Variants in CTNNA3 observed in about 807,000 individuals in gnomAD.
The protein encoded by CTNNA3 is catenin alpha-3.
A neutral mutation model predicts 95.7 loss-of-function variants in CTNNA3; 76 were observed. The observed-to-expected ratio is 0.79, with a 90% confidence interval of 0.66 to 0.96. CTNNA3 has a LOEUF of 0.96. CTNNA3 is among the 40% of genes least tolerant of loss of function. CTNNA3 has a pLI of 0.00. For synonymous variants in CTNNA3, 431 were observed against 374.4 expected, an observed-to-expected ratio of 1.15 and a Z score of -1.74; for missense variants, 1,191 against 1,089.8, an observed-to-expected ratio of 1.09 and a Z score of -1.31.
chr10:66,782,331 T>C (rs1306890824), intron 7 of CTNNA3, among the ~76,000 whole-genome samples: 1 of 152,160 alleles, frequency 6.6e-6, no homozygotes, highest in African/African-American at 2.4e-5. Context: ...TTTCTTGAAC[T>C]AAACCAACTG....
intron 1 of CTNNA3, among the ~76,000 whole-genome samples, chr10:67,743,991 T>G (rs956617764): frequency 2.0e-5 from 3 of 150,978 alleles, no homozygotes; most frequent in Non-Finnish European, 3.0e-5. Flanking sequence ...TACTGCTCAA[T>G]GAAATAAAAG....
intron 14 of CTNNA3, among the ~76,000 whole-genome samples, chr10:66,085,861 T>C (rs1210612371): frequency 2.5e-5 from 1 of 40,164 alleles, no homozygotes; most frequent in Non-Finnish European, 5.9e-5. Flanking sequence ...TGTAGTACCA[T>C]AATTTATGTT....
intron 3 of CTNNA3, among the ~76,000 whole-genome samples, chr10:67,587,183 C>T (rs530322174): frequency 2.8e-5 from 4 of 143,348 alleles, no homozygotes; most frequent in South Asian, 4.7e-4. Context: ...CACCATGACA[C>T]CCAGCTAACT....
chr10:66,597,083 A>G lies in CTNNA3; in HGVS notation c.1374+24609T>C, dbSNP rs957593932. On this transcript the variant is annotated intron_variant, in intron 10 of 17. Transcript: ENST00000433211. The stretch of plus-strand genomic sequence containing the variant: ...AAGCTTCAATAGCAGACTCAAGCAG[A>G]AAAAAGAACCAGTGAATTCAAAGAC... Among the ~76,000 whole-genome samples the G allele has an allele frequency of 2.2e-4, 33 of 151,986 alleles. 1 individual carries two copies. Among genetic ancestry groups the G allele is most frequent in the Non-Finnish European group, 2.9e-4 (20 of 67,990 alleles).
At chr10:66,028,635 A>G (rs2079389301) in intron 15 of CTNNA3, among the ~76,000 whole-genome samples, 2 of 152,068 alleles carry the variant, frequency 1.3e-5, no homozygotes. Flanking sequence ...TAGGAGATAT[A>G]CCTAATGTAA....
At chr10:66,848,077 G>C (rs542309402) in intron 7 of CTNNA3, among the ~76,000 whole-genome samples, 128 of 152,214 alleles carry the variant, frequency 8.4e-4, no homozygotes, top group African/African-American at 3.0e-3. Flanking sequence ...GATCTGGATG[G>C]TAAAAATGAG....
rs549512262 is a variant in CTNNA3, at chr10:67,736,788, T to C, written c.-2+26646A>G. On this transcript the variant is annotated intron_variant, in intron 1 of 17. Coordinates refer to the CTNNA3 transcript ENST00000684154. ...AGAACAAAGAAACATTAGATTTAAC[T>C]AGACTTAACTAGACTTAAGAGGCCT... Among the ~76,000 whole-genome samples the C allele has an allele frequency of 2.6e-5, 4 of 152,172 alleles. No individual in the cohort carries two copies. The South Asian group carries it at 8.3e-4, about 32-fold the overall frequency.
chr10:67,427,262 G>C, intron 5 of CTNNA3, among the ~76,000 whole-genome samples: 1 of 152,040 alleles, frequency 6.6e-6, no homozygotes, highest in East Asian at 1.9e-4. Context: ...CCAAGAGTGA[G>C]GAGATCTGCT....
intron 12 of CTNNA3, among the ~76,000 whole-genome samples, chr10:66,312,009 T>G (rs182073502): frequency 1.3e-5 from 2 of 152,356 alleles, no homozygotes; most frequent in East Asian, 3.9e-4. Context: ...AACTTACAAC[T>G]AAACAAAGCT....
At chr10:67,186,726 C>A (rs1050440788) in intron 6 of CTNNA3, among the ~76,000 whole-genome samples, 3 of 152,092 alleles carry the variant, frequency 2.0e-5, no homozygotes, top group African/African-American at 4.8e-5. Context: ...GAAAGACAAT[C>A]AATAGGATAT....
chr10:66,762,651 C>T (rs2132768754), intron 9 of CTNNA3, among the ~76,000 whole-genome samples: 1 of 151,852 alleles, frequency 6.6e-6, no homozygotes, highest in East Asian at 2.0e-4. Flanking sequence ...GGCCACTGTC[C>T]TCCTCATTCC....
intron 5 of CTNNA3, among the ~76,000 whole-genome samples, chr10:67,458,541 A>C (rs1847254735): frequency 6.6e-6 from 1 of 152,064 alleles, no homozygotes; most frequent in Non-Finnish European, 1.5e-5. Context: ...AGAAGATTCT[A>C]ACAGTGATGA....
chr10:67,146,560 A>C (rs78648538), intron 7 of CTNNA3, among the ~76,000 whole-genome samples: 2,475 of 152,348 alleles, frequency 0.016, 72 homozygotes, highest in African/African-American at 0.057. Context: ...AAAGAGAGCC[A>C]GTTAGTAATC....
intron 5 of CTNNA3, among the ~76,000 whole-genome samples, chr10:67,226,286 T>G (rs1480707529): frequency 1.3e-5 from 2 of 152,144 alleles, no homozygotes. Context: ...TCCTAAAACC[T>G]TGGAAAACAT....
At chr10:67,061,387 G>A (rs1855747574) in intron 7 of CTNNA3, among the ~76,000 whole-genome samples, 1 of 152,146 alleles carries the variant, frequency 6.6e-6, no homozygotes, top group South Asian at 2.1e-4. Flanking sequence ...CATCAGCAAA[G>A]TAATTTTTAG....
At chr10:66,909,510 A>AAAAT (rs3056543) in intron 7 of CTNNA3, among the ~76,000 whole-genome samples, 308 of 150,460 alleles carry the variant, frequency 2.0e-3, no homozygotes, top group African/African-American at 5.2e-3. Flanking sequence ...ACTCCATCTC[A>AAAAT]AAATAAATAA....
At chr10:66,654,717 A>G (rs1846018452) in intron 9 of CTNNA3, among the ~76,000 whole-genome samples, 1 of 152,082 alleles carries the variant, frequency 6.6e-6, no homozygotes, top group African/African-American at 2.4e-5. Flanking sequence ...ATGTTTGTCA[A>G]CATATGAATG....
intron 2 of CTNNA3, among the ~76,000 whole-genome samples, chr10:67,612,100 G>A (rs1450778928): frequency 6.6e-6 from 1 of 151,934 alleles, no homozygotes; most frequent in South Asian, 2.1e-4. Context: ...AAGTACAGAG[G>A]AAGATTAAAG....
intron 5 of CTNNA3, among the ~76,000 whole-genome samples, chr10:67,500,219 A>G (rs773117059): frequency 6.6e-6 from 1 of 152,194 alleles, no homozygotes; most frequent in Non-Finnish European, 1.5e-5. Context: ...CAGGTTTTTC[A>G]GTTTCCTCGT....
Sources: gnomAD v4.1 joint callset for allele counts (sites outside exome capture counted in the v4.1 genomes callset) on GRCh38, gnomAD v4.1.1 for gene constraint, MANE v1.5 for transcripts, NCBI Gene and HGNC (gene_info 2026-07-23, HGNC 2026-07-21) for gene names.